The following CFAP90 variants were observed in gnomAD, a reference collection of about 807,000 sequenced individuals.
CFAP90 encodes the protein cilia- and flagella-associated protein 90.
chr5:7,833,294 T>C, the CFAP90 span, among the ~76,000 whole-genome samples: 1 of 152,080 alleles, frequency 6.6e-6, no homozygotes, highest in Non-Finnish European at 1.5e-5. Context: ...CACATGCATG[T>C]ACACACATAT....
At chr5:7,841,116 G>A in the CFAP90 span, among the ~76,000 whole-genome samples, 1 of 151,924 alleles carries the variant, frequency 6.6e-6, no homozygotes, top group Non-Finnish European at 1.5e-5. Context: ...CTAATATCCA[G>A]CATCTACAAG....
chr5:7,845,107 G>GGA, the CFAP90 span, among the ~76,000 whole-genome samples: 13 of 151,846 alleles, frequency 8.6e-5, no homozygotes, highest in South Asian at 4.2e-4. Flanking sequence ...CCTGCTGGCA[G>GGA]GAGAGACAGA....
the CFAP90 span, among the ~76,000 whole-genome samples, chr5:7,844,381 C>T: frequency 6.6e-6 from 1 of 152,114 alleles, no homozygotes; most frequent in Non-Finnish European, 1.5e-5. Flanking sequence ...GTGACTTATC[C>T]CTTTGTTTTA....
At chr5:7,840,030 TG>T in the CFAP90 span, among the ~76,000 whole-genome samples, 1 of 152,182 alleles carries the variant, frequency 6.6e-6, no homozygotes, top group Non-Finnish European at 1.5e-5. Context: ...AAAAACCAGT[TG>T]GGATTTAGAT....
At chr5:7,842,459 C>A in the CFAP90 span, among the ~76,000 whole-genome samples, 1 of 151,772 alleles carries the variant, frequency 6.6e-6, no homozygotes, top group Non-Finnish European at 1.5e-5. Context: ...TAGGCTGGGG[C>A]CAGGAATGTG....
At chr5:7,833,622 T>C in the CFAP90 span, among the ~76,000 whole-genome samples, 1 of 149,658 alleles carries the variant, frequency 6.7e-6, no homozygotes, top group Non-Finnish European at 1.5e-5. Flanking sequence ...TACATACATG[T>C]ACACACATAT....
chr5:7,830,380 T>C, the CFAP90 span: 1 of 152,206 alleles, frequency 6.6e-6, no homozygotes, highest in African/African-American at 2.4e-5. Context: ...GAAAATAATT[T>C]AGTTTGACTT....
the CFAP90 span, among the ~76,000 whole-genome samples, chr5:7,840,731 A>G: frequency 6.6e-6 from 1 of 152,182 alleles, no homozygotes; most frequent in Non-Finnish European, 1.5e-5. Flanking sequence ...ATGTGACCTT[A>G]TTTGGAATAA....
chr5:7,841,146 A>T, the CFAP90 span, among the ~76,000 whole-genome samples: 4 of 152,244 alleles, frequency 2.6e-5, no homozygotes, highest in African/African-American at 9.6e-5. Context: ...TACAAGAAAA[A>T]AAAACCCCGT....
the CFAP90 span, among the ~76,000 whole-genome samples, chr5:7,848,348 TA>T: frequency 6.6e-6 from 1 of 152,038 alleles, no homozygotes; most frequent in South Asian, 2.1e-4. Context: ...TGTCCTTGCA[TA>T]TTGCTCAAAG....
At chr5:7,835,381 C>A in the CFAP90 span, 2 of 1,518,240 alleles carry the variant, frequency 1.3e-6, no homozygotes, top group East Asian at 4.5e-5. Flanking sequence ...CTTAATATTA[C>A]CTCTTCGTTA....
chr5:7,847,381 A>G, the CFAP90 span, among the ~76,000 whole-genome samples: 4 of 152,284 alleles, frequency 2.6e-5, no homozygotes, highest in South Asian at 4.1e-4. Flanking sequence ...TCAAAAATCC[A>G]CTTTGCATTA....
At chr5:7,844,541 G>A in the CFAP90 span, among the ~76,000 whole-genome samples, 3 of 152,164 alleles carry the variant, frequency 2.0e-5, no homozygotes, top group Non-Finnish European at 4.4e-5. Flanking sequence ...CATTTAGTGG[G>A]AGAAAACAAC....
the CFAP90 span, among the ~76,000 whole-genome samples, chr5:7,847,436 A>G: frequency 1.1e-5 from 1 of 93,978 alleles, no homozygotes; most frequent in South Asian, 4.4e-4. Context: ...GTAGTGATAC[A>G]TTAGAGCAGG....
At chr5:7,845,996 C>A in the CFAP90 span, among the ~76,000 whole-genome samples, 1 of 142,594 alleles carries the variant, frequency 7.0e-6, no homozygotes, top group Non-Finnish European at 1.5e-5. Flanking sequence ...ATGAGGTTTG[C>A]GACTGGGATC....
At chr5:7,837,525 C>T in the CFAP90 span, among the ~76,000 whole-genome samples, 1 of 152,180 alleles carries the variant, frequency 6.6e-6, no homozygotes, top group Non-Finnish European at 1.5e-5. Context: ...AGACTTTATA[C>T]AGTATGTTGG....
chr5:7,837,920 C>G, the CFAP90 span, among the ~76,000 whole-genome samples: 1 of 152,228 alleles, frequency 6.6e-6, no homozygotes, highest in Non-Finnish European at 1.5e-5. Context: ...GCTTCTGCCT[C>G]TGTGCCTCTG....
At chr5:7,838,912 C>A in the CFAP90 span, among the ~76,000 whole-genome samples, 3 of 152,178 alleles carry the variant, frequency 2.0e-5, no homozygotes, top group African/African-American at 4.8e-5. Flanking sequence ...TGCAGGTGGG[C>A]AGCCACCCTC....
chr5:7,851,031 G>T, the CFAP90 span: 1 of 1,244,920 alleles, frequency 8.0e-7, no homozygotes, highest in Non-Finnish European at 1.0e-6. Context: ...TGCCGCCACC[G>T]TCCAGCGCCC....
Sources: allele counts gnomAD v4.1 joint callset (sites outside exome capture counted in the v4.1 genomes callset), GRCh38; gene constraint gnomAD v4.1.1; transcripts MANE v1.5; gene names NCBI Gene and HGNC (gene_info 2026-07-23, HGNC 2026-07-21).